Variants in MYO19 observed in about 807,000 individuals in gnomAD.
MYO19 encodes myosin XIX, also known as unconventional myosin-XIX.
Under a neutral mutation model 129.2 loss-of-function variants are expected in MYO19, and 132 were observed. The ratio of observed to expected loss-of-function variants is 1.02; its 90% CI spans 0.89 to 1.18. The LOEUF (loss-of-function observed/expected upper bound fraction) is 1.18. Among genes scored for constraint, MYO19 ranks in the 50% most tolerant of loss-of-function variants. MYO19 has a pLI of 0.00. For synonymous variants in MYO19, 531 were observed against 477.2 expected (o/e 1.11, Z -1.47); for missense variants, 1,210 against 1,216.7 (o/e 0.99, Z 0.08).
upstream of MYO19, chr17:36,538,072 TATATATGC>T: frequency 6.2e-7 from 1 of 1,614,194 alleles, no homozygotes; most frequent in Non-Finnish European, 8.5e-7. Context: ...CAAACAGGGT[TATATATGC>T]ATAAGAACCG....
At position 36,502,802 on chromosome 17, in the gene MYO19, T is replaced by C. The variant is rs12603263; in HGVS notation, c.2080+295A>G. On this transcript the variant is annotated intron_variant, in intron 21 of 25. Coordinates refer to ENST00000614623, the MANE Select transcript of MYO19 (RefSeq NM_001163735.2). ...TAGGCCTTTGTTCAGATTACATTTA[T>C]CATGTGGACCACCCATCACCTGGCT... 4,173 of 461,008 alleles carry C rather than the reference T, an allele frequency of 9.1e-3. 122 individuals carry two copies. Among genetic ancestry groups the C allele is most frequent in the East Asian group, 0.07 (1,745 of 24,890 alleles). 28.6% of individuals were successfully genotyped at this position (461,008 alleles called of 1,614,324 possible).
chr17:36,538,211 T>C (rs1203780630), upstream of MYO19: 1 of 1,613,232 alleles, frequency 6.2e-7, no homozygotes, highest in Admixed American at 1.7e-5. Flanking sequence ...GAATGGCAAA[T>C]TTAGCCTTTT....
At chr17:36,515,037 G>A in intron 8 of MYO19, 76 bp downstream of exon 8, 2 of 1,417,958 alleles carry the variant, frequency 1.4e-6, no homozygotes, top group Non-Finnish European at 9.7e-7. Context: ...GGGTGGCCCA[G>A]GCCAGATACT....
chr17:36,532,735 G>A, intron 2 of MYO19, 54 bp from the exon 3 acceptor site: 1 of 652,216 alleles, frequency 1.5e-6, no homozygotes, highest in South Asian at 1.9e-5. Context: ...CTTTTCTGGA[G>A]TGACTCACTC....
intron 7 of MYO19, among the ~76,000 whole-genome samples, chr17:36,515,636 T>A (rs2072692901): frequency 6.6e-6 from 1 of 152,190 alleles, no homozygotes; most frequent in Admixed American, 6.5e-5. Flanking sequence ...GACTGTTATG[T>A]GTGCCTAGGC....
At position 36,509,090 on chromosome 17, in the gene MYO19, T is replaced by TCC. The variant is rs2072130801; in HGVS notation, c.1202_1203insGG (p.Asp402GlufsTer10). 1.2e-6 allele frequency: 2 copies of TCC among 1,613,868 alleles called. No individual in the cohort carries two copies. Among genetic ancestry groups the TCC allele is most frequent in the Non-Finnish European group, 1.7e-6 (2 of 1,179,848 alleles). On this transcript the variant is annotated frameshift_variant, in exon 14 of 26. Coordinates refer to ENST00000614623, the MANE Select transcript of MYO19 (RefSeq NM_001163735.2). LOFTEE classifies it high-confidence loss of function. ...TGAAAGTGGTCCACGAGTCGGTGTC[T>TCC]GCACAGATGCTGCTGTTGATCACTG...
rs2071208273 is a variant in MYO19 at position 36,498,483 on chromosome 17, AG to A, written c.2539del (p.Leu847Ter). Reference protein sequence around the residue: ...EKHFSQAPCSLSTSPLQTRLL... With the variant: ...EKHFSQAPCSXSTSPLQTRLL... ...CCTGGTCTGCAGCGGCGAGGTGCTC[AG>A]GGAACAGGGAGCTTGAGAGAAGTGT... is the stretch of plus-strand genomic sequence containing the variant. On this transcript the variant is annotated frameshift_variant, in exon 25 of 26. Transcript: ENST00000614623. LOFTEE classifies it high-confidence loss of function. The A allele has an allele frequency of 1.2e-6, 2 of 1,614,006 alleles. No individual in the cohort carries two copies. The highest frequency in any genetic ancestry group is 1.3e-5 in the African/African-American group (1 of 75,058).
At chr17:36,518,857 G>C (rs1161329729) in intron 6 of MYO19, among the ~76,000 whole-genome samples, 1 of 151,862 alleles carries the variant, frequency 6.6e-6, no homozygotes, top group Non-Finnish European at 1.5e-5. Flanking sequence ...TTACCCATAG[G>C]ATATTTAGAA....
At chr17:36,509,452 C>A in intron 13 of MYO19, 1 of 427,718 alleles carries the variant, frequency 2.3e-6, no homozygotes, top group South Asian at 2.7e-5. Context: ...CGAGACCCAG[C>A]TAGTGTCTTG....
Position 36,496,062 on chromosome 17 carries a change from G to T in MYO19, c.*189C>A. On this transcript the variant is annotated 3_prime_UTR_variant, in exon 26 of 26. Transcript: ENST00000614623. Reference sequence around the variant, plus strand: ...ACCAGCCCTGACACCATCAGTGCTTGATGTAGCCTGGAACCCCAGGCCCAC... The same window carrying T: ...ACCAGCCCTGACACCATCAGTGCTTTATGTAGCCTGGAACCCCAGGCCCAC... The T allele has an allele frequency of 2.3e-6, 2 of 860,632 alleles. No individual in the cohort carries two copies. The highest frequency in any genetic ancestry group is 1.8e-6 in the Non-Finnish European group (1 of 571,316). The allele number at this position is 860,632 out of a possible 1,614,324, so 53.3% of individuals were successfully genotyped here.
At chr17:36,524,880 T>C (rs1490871335) in intron 6 of MYO19, among the ~76,000 whole-genome samples, 1 of 152,236 alleles carries the variant, frequency 6.6e-6, no homozygotes, top group Non-Finnish European at 1.5e-5. Context: ...ACTTTTCTGA[T>C]GTGTTCTTAA....
At position 36,519,284 on chromosome 17, in the gene MYO19, G is replaced by T. The variant is rs147613802; in HGVS notation, c.415-3294C>A. On this transcript the variant is annotated intron_variant, in intron 6 of 25. Transcript: ENST00000614623. ...CTGTAATTAGGTACACACCTGTTTA[G>T]AACTGTTTTCTTGATGAATTCACCC... Among the ~76,000 whole-genome samples the T allele has an allele frequency of 1.3e-4, 20 of 152,290 alleles. No individual in the cohort carries two copies. The East Asian group carries it at 3.9e-3, about 29-fold the overall frequency.
At chr17:36,507,752 G>A in intron 15 of MYO19, 51 bp downstream of exon 15, 1 of 1,534,938 alleles carries the variant, frequency 6.5e-7, no homozygotes, top group Non-Finnish European at 8.8e-7. Flanking sequence ...GGTCAGGAAG[G>A]GATTGAGGAT....
chr17:36,497,474 G>A lies in MYO19; in HGVS notation c.2757+792C>T, dbSNP rs540461194. 8 of 923,424 alleles carry A rather than the reference G, an allele frequency of 8.7e-6. No homozygotes were observed. In the East Asian group the frequency reaches 9.4e-4, roughly 108 times the overall value. The allele number at this position is 923,424 out of a possible 1,614,324, so 57.2% of individuals were successfully genotyped here. On this transcript the variant is annotated intron_variant, in intron 25 of 25. Coordinates refer to ENST00000614623, the MANE Select transcript of MYO19 (RefSeq NM_001163735.2). ...TAACAAACTCCTCACAACCCAAGTT[G>A]TGATGTGGGACTAATTAGATTATTT...
In MYO19 at chr17:36,495,979, T is replaced by C; in HGVS notation, c.*272A>G. On this transcript the variant is annotated 3_prime_UTR_variant, in exon 26 of 26. Transcript: ENST00000614623. ...AGACAGTCATGACTGCTGCTGAGTT[T>C]GATCTGTGAAGGTAGTGAAATGTGG... 1.2e-6 allele frequency: 1 copy of C among 845,534 alleles called. No individual in the cohort carries two copies. The highest frequency in any genetic ancestry group is 4.1e-5 in the South Asian group (1 of 24,316). The allele number at this position is 845,534 out of a possible 1,614,324, so 52.4% of individuals were successfully genotyped here. A position where few individuals can be genotyped will look rare whatever the true frequency, so the allele number is the denominator to read the frequency against.
rs2073983050 is a variant in MYO19 at position 36,534,114 on chromosome 17, G to T, written c.-295-10C>A. The T allele has an allele frequency of 6.6e-6, 1 of 152,274 alleles. No homozygotes were observed. Among genetic ancestry groups the T allele is most frequent in the Non-Finnish European group, 1.5e-5 (1 of 68,074 alleles). The allele number at this position is 152,274 out of a possible 1,614,324, so 9.4% of individuals were successfully genotyped here. Reference sequence around the variant, plus strand: ...GGAAAGGGTGTGAACACTGTGGGCAGAAAGGAGACGGTAATGAGTAAATGG... The same window carrying T: ...GGAAAGGGTGTGAACACTGTGGGCATAAAGGAGACGGTAATGAGTAAATGG... On this transcript the variant is annotated splice_polypyrimidine_tract_variant and intron_variant, in intron 1 of 25. Transcript: ENST00000614623.
rs778509877 is a variant in MYO19, at chr17:36,500,910, C to T, written c.2297G>A (p.Arg766His). Reference sequence around the variant, plus strand: ...TCGCCTCCAGCCACCCTGGATGCAGCGGGCACACTGCTCCAGCACCCGGGC... The same window carrying T: ...TCGCCTCCAGCCACCCTGGATGCAGTGGGCACACTGCTCCAGCACCCGGGC... Reference protein sequence around the residue: ...GRARVLEQCARCIQGGWRRHR... With the variant: ...GRARVLEQCAHCIQGGWRRHR... Residue 766 changes from arginine to histidine, a missense_variant, in exon 23 of 26, where the codon CGC becomes CAC. By Grantham distance (29) the Arg-to-His change is conservative. Transcript: ENST00000614623. The T allele has an allele frequency of 9.9e-6, 16 of 1,609,644 alleles. No homozygotes were observed. Among genetic ancestry groups the T allele is most frequent in the Admixed American group, 1.7e-5 (1 of 59,818 alleles).
At chr17:36,508,856 T>C (rs2072109202) in intron 14 of MYO19, 8 of 601,462 alleles carry the variant, frequency 1.3e-5, no homozygotes, top group Non-Finnish European at 2.4e-5. Flanking sequence ...TGGAGAGTTA[T>C]GGACTGCTCA....
At chr17:36,506,738 T>G in intron 17 of MYO19, 130 bp from the exon 18 acceptor site, 1 of 1,220,646 alleles carries the variant, frequency 8.2e-7, no homozygotes, top group Non-Finnish European at 1.1e-6. Flanking sequence ...AGAAGGTCCA[T>G]TGGACAACCA....
Sources: gnomAD v4.1 joint callset for allele counts (sites outside exome capture counted in the v4.1 genomes callset) on GRCh38, gnomAD v4.1.1 for gene constraint, MANE v1.5 for transcripts, NCBI Gene and HGNC (gene_info 2026-07-23, HGNC 2026-07-21) for gene names.